MTHFD2L: variants seen among roughly 807,000 people sequenced by gnomAD.
MTHFD2L encodes the protein bifunctional methylenetetrahydrofolate dehydrogenase/cyclohydrolase 2, mitochondrial.
Under a neutral mutation model 34.9 loss-of-function variants are expected in MTHFD2L, and 29 were observed. That is an observed-to-expected ratio of 0.83 (90% confidence interval 0.62 to 1.13). MTHFD2L has a LOEUF of 1.13. Among genes scored for constraint, MTHFD2L ranks in the 50% most tolerant of loss-of-function variants. The probability of loss-of-function intolerance (pLI) is 0.00; values close to 1 mark genes in which losing one functional copy is unlikely to be tolerated. For missense variants in MTHFD2L, 481 were observed against 446.5 expected (o/e 1.08, Z -0.70); for synonymous variants, 167 against 155.7 (o/e 1.07, Z -0.54).
intron 6 of MTHFD2L, among the ~76,000 whole-genome samples, chr4:74,240,020 T>C (rs1418614492): frequency 6.6e-6 from 1 of 152,164 alleles, no homozygotes; most frequent in Non-Finnish European, 1.5e-5. Context: ...AATCCCTCCA[T>C]GTGTACTAAG....
At chr4:74,291,276 A>G (rs1292011795) in intron 7 of MTHFD2L, among the ~76,000 whole-genome samples, 2 of 151,416 alleles carry the variant, frequency 1.3e-5, no homozygotes, top group Admixed American at 6.6e-5. Context: ...CGGCCTCCCA[A>G]AGTGCTGGGA....
chr4:74,301,228 T>A (rs1288869111), intron 7 of MTHFD2L, among the ~76,000 whole-genome samples: 1 of 152,138 alleles, frequency 6.6e-6, no homozygotes, highest in Non-Finnish European at 1.5e-5. Context: ...TGATACTTAC[T>A]AGACTTGAAT....
upstream of MTHFD2L, among the ~76,000 whole-genome samples, chr4:74,120,770 A>G (rs1158960909): frequency 6.6e-6 from 1 of 152,224 alleles, no homozygotes; most frequent in Non-Finnish European, 1.5e-5. Context: ...CATAAGTGAG[A>G]TGGCTTTCTA....
At chr4:74,154,864 T>C (rs980057204), upstream of MTHFD2L, among the ~76,000 whole-genome samples, 1 of 152,168 alleles carries the variant, frequency 6.6e-6, no homozygotes, top group Non-Finnish European at 1.5e-5. Context: ...AACTCCTGAA[T>C]ATTCATACAT....
chr4:74,291,726 C>G (rs1414146378), intron 7 of MTHFD2L, among the ~76,000 whole-genome samples: 1 of 152,120 alleles, frequency 6.6e-6, no homozygotes, highest in Non-Finnish European at 1.5e-5. Context: ...TGTTCTACAA[C>G]ATGGGAAAGT....
At chr4:74,265,578 G>A (rs898819360) in intron 6 of MTHFD2L, among the ~76,000 whole-genome samples, 4 of 152,120 alleles carry the variant, frequency 2.6e-5, no homozygotes, top group African/African-American at 7.2e-5. Flanking sequence ...TACAGGGAAG[G>A]AAACAGGATT....
At chr4:74,174,918 G>C (rs1054137624) in intron 2 of MTHFD2L, among the ~76,000 whole-genome samples, 1 of 152,058 alleles carries the variant, frequency 6.6e-6, no homozygotes, top group Admixed American at 6.6e-5. Context: ...GATATGCAAA[G>C]GATAGTTTGC....
At chr4:74,171,133 ATAAAAT>A (rs1727884181) in intron 1 of MTHFD2L, among the ~76,000 whole-genome samples, 1 of 152,186 alleles carries the variant, frequency 6.6e-6, no homozygotes, top group Non-Finnish European at 1.5e-5. Context: ...TATAATAATA[ATAAAAT>A]TAAAAAAATT....
chr4:74,187,294 G>C (rs1394253763), intron 3 of MTHFD2L, among the ~76,000 whole-genome samples: 1 of 152,040 alleles, frequency 6.6e-6, no homozygotes, highest in Non-Finnish European at 1.5e-5. Flanking sequence ...AACCGCTCCA[G>C]AATAGAATGT....
intron 7 of MTHFD2L, among the ~76,000 whole-genome samples, chr4:74,290,712 T>C (rs1383836934): frequency 1.3e-5 from 2 of 151,948 alleles, no homozygotes; most frequent in African/African-American, 4.8e-5. Flanking sequence ...ACGAAAGTAT[T>C]AACCCAGAAG....
chr4:74,180,878 G>A, intron 3 of MTHFD2L: 1 of 198,704 alleles, frequency 5.0e-6, no homozygotes, highest in African/African-American at 2.3e-5. Context: ...TAAGAAAGGG[G>A]TCTGTTATTT....
chr4:74,247,291 G>T (rs927858078), intron 6 of MTHFD2L, among the ~76,000 whole-genome samples: 1 of 151,704 alleles, frequency 6.6e-6, no homozygotes, highest in Non-Finnish European at 1.5e-5. Flanking sequence ...GTCTGTTATT[G>T]GTTTATAAGA....
intron 1 of MTHFD2L, among the ~76,000 whole-genome samples, chr4:74,138,376 G>C (rs987324403): frequency 6.6e-6 from 1 of 152,044 alleles, no homozygotes. Context: ...CTCCCAATAC[G>C]GCAGCAAACC....
intron 3 of MTHFD2L, among the ~76,000 whole-genome samples, chr4:74,184,241 TG>T (rs1730720969): frequency 6.6e-6 from 1 of 152,194 alleles, no homozygotes; most frequent in African/African-American, 2.4e-5. Context: ...GTTGTCAAAT[TG>T]GTTAAAAATC....
chr4:74,290,732 T>G (rs1748787493), intron 7 of MTHFD2L, among the ~76,000 whole-genome samples: 5 of 151,972 alleles, frequency 3.3e-5, no homozygotes. Context: ...GTATACAACT[T>G]CACGCTTCAG....
intron 6 of MTHFD2L, among the ~76,000 whole-genome samples, chr4:74,258,075 A>AT (rs1435211341): frequency 6.6e-6 from 1 of 152,146 alleles, no homozygotes; most frequent in African/African-American, 2.4e-5. Context: ...GGAAAAAAAA[A>AT]AGGTTACAAA....
intron 1 of MTHFD2L, among the ~76,000 whole-genome samples, chr4:74,169,926 A>G (rs1328256190): frequency 6.6e-6 from 1 of 152,220 alleles, no homozygotes; most frequent in Non-Finnish European, 1.5e-5. Flanking sequence ...TACAAAAATC[A>G]CTCAAGAAAT....
At chr4:74,278,838 C>T (rs1377967783) in intron 6 of MTHFD2L, among the ~76,000 whole-genome samples, 16 of 152,070 alleles carry the variant, frequency 1.1e-4, no homozygotes, top group Admixed American at 4.6e-4. Context: ...ATAAAACCAT[C>T]ACAATGCCAA....
At chr4:74,140,529 CT>C in intron 1 of MTHFD2L, 3 of 975,472 alleles carry the variant, frequency 3.1e-6, no homozygotes, top group Non-Finnish European at 3.7e-6. Flanking sequence ...TTGTGCACAC[CT>C]TTTTCATGTT....
Sources: allele counts gnomAD v4.1 joint callset (sites outside exome capture counted in the v4.1 genomes callset), GRCh38; gene constraint gnomAD v4.1.1; transcripts MANE v1.5; gene names NCBI Gene and HGNC (gene_info 2026-07-23, HGNC 2026-07-21).